The following MAGI2 variants were observed in gnomAD, a reference collection of about 807,000 sequenced individuals.
The protein encoded by MAGI2 is membrane associated guanylate kinase, WW and PDZ domain containing 2.
MAGI2 carries 35 observed loss-of-function variants against 133.3 expected under a neutral mutation model. The observed-to-expected ratio is 0.26, with a 90% CI of 0.20 to 0.35. The LOEUF (loss-of-function observed/expected upper bound fraction) is 0.35. Among genes scored for constraint, MAGI2 ranks in the 10% least tolerant of loss-of-function variants. The pLI is 1.00. For synonymous variants in MAGI2, 729 were observed against 710.6 expected, an observed-to-expected ratio of 1.03 and a Z score of -0.41; for missense variants, 1,636 against 1,863.4, an observed-to-expected ratio of 0.88 and a Z score of 2.25.
intron 1 of MAGI2, among the ~76,000 whole-genome samples, chr7:79,236,119 G>T (rs1191181629): frequency 6.6e-6 from 1 of 152,264 alleles, no homozygotes; most frequent in Admixed American, 6.5e-5. Context: ...AATAAGTCAG[G>T]AAAAAGCATA....
At chr7:79,212,513 T>C (rs1437126566) in intron 1 of MAGI2, among the ~76,000 whole-genome samples, 1 of 152,070 alleles carries the variant, frequency 6.6e-6, no homozygotes, top group East Asian at 1.9e-4. Context: ...TGCAGGGTAG[T>C]ACAAAACTTT....
chr7:78,476,597 A>G (rs1370449937), intron 6 of MAGI2, among the ~76,000 whole-genome samples: 1 of 151,998 alleles, frequency 6.6e-6, no homozygotes, highest in Non-Finnish European at 1.5e-5. Flanking sequence ...TTCTAAATCT[A>G]TTTAGGTTCT....
chr7:78,664,637 C>T (rs967588523), intron 2 of MAGI2, among the ~76,000 whole-genome samples: 1 of 151,870 alleles, frequency 6.6e-6, no homozygotes, highest in Non-Finnish European at 1.5e-5. Context: ...TTTTAAAAAA[C>T]AAACTTACTT....
chr7:78,702,713 G>C (rs1457898356), intron 2 of MAGI2, among the ~76,000 whole-genome samples: 4 of 151,972 alleles, frequency 2.6e-5, no homozygotes, highest in African/African-American at 4.8e-5. Context: ...TAGATTTGGA[G>C]GTAGAAAGGA....
chr7:78,494,689 G>A (rs1027724204), intron 5 of MAGI2, among the ~76,000 whole-genome samples: 19 of 152,006 alleles, frequency 1.2e-4, no homozygotes, highest in Admixed American at 1.2e-3. Context: ...TTTCACTGCT[G>A]TACAACTATT....
chr7:79,199,269 G>T (rs1828375665), intron 1 of MAGI2, among the ~76,000 whole-genome samples: 1 of 152,060 alleles, frequency 6.6e-6, no homozygotes, highest in African/African-American at 2.4e-5. Flanking sequence ...TTGGAGGGCA[G>T]AAGGTGGCTT....
intron 12 of MAGI2, among the ~76,000 whole-genome samples, chr7:78,191,994 G>C (rs775235016): frequency 6.6e-6 from 1 of 152,174 alleles, no homozygotes; most frequent in Non-Finnish European, 1.5e-5. Context: ...AGCCTTGACA[G>C]AACAAACGTT....
intron 1 of MAGI2, among the ~76,000 whole-genome samples, chr7:79,053,130 G>A (rs941771806): frequency 3.3e-5 from 5 of 151,804 alleles, no homozygotes; most frequent in South Asian, 2.1e-4. Flanking sequence ...CCACCACCAC[G>A]CCCGGCTAAT....
intron 2 of MAGI2, among the ~76,000 whole-genome samples, chr7:78,675,979 C>G (rs1263295731): frequency 6.6e-6 from 1 of 152,064 alleles, no homozygotes; most frequent in Non-Finnish European, 1.5e-5. Context: ...TATGGTATAT[C>G]CTAAAACACC....
chr7:78,698,678 T>C (rs1376526180), intron 2 of MAGI2, among the ~76,000 whole-genome samples: 1 of 152,152 alleles, frequency 6.6e-6, no homozygotes, highest in Non-Finnish European at 1.5e-5. Context: ...TGACTCACAG[T>C]TCAGCATGGC....
chr7:78,382,429 A>C (rs1368737961), intron 6 of MAGI2, among the ~76,000 whole-genome samples: 1 of 152,152 alleles, frequency 6.6e-6, no homozygotes, highest in Non-Finnish European at 1.5e-5. Flanking sequence ...ATTGCTAACC[A>C]GTCAAAAAAA....
At chr7:78,214,639 C>A (rs1788089589) in intron 10 of MAGI2, among the ~76,000 whole-genome samples, 1 of 148,624 alleles carries the variant, frequency 6.7e-6, no homozygotes, top group Non-Finnish European at 1.5e-5. Context: ...ATAGGTAGAA[C>A]TGATGTTTAT....
At chr7:78,719,833 GTTGT>G (rs1490217504) in intron 2 of MAGI2, among the ~76,000 whole-genome samples, 24 of 152,154 alleles carry the variant, frequency 1.6e-4, no homozygotes, top group Non-Finnish European at 2.6e-4. Flanking sequence ...CTAGAGGGTA[GTTGT>G]TTGTGATTAT....
chr7:79,399,472 T>G (rs1845315118), intron 1 of MAGI2, among the ~76,000 whole-genome samples: 1 of 152,076 alleles, frequency 6.6e-6, no homozygotes, highest in African/African-American at 2.4e-5. Flanking sequence ...GTTCAGTTGC[T>G]TCACTGCCAG....
At chr7:79,226,653 C>G (rs1209932306) in intron 1 of MAGI2, among the ~76,000 whole-genome samples, 1 of 152,122 alleles carries the variant, frequency 6.6e-6, no homozygotes, top group Non-Finnish European at 1.5e-5. Flanking sequence ...TTCCATTCTT[C>G]TCTTCCACCC....
At chr7:79,370,932 T>C (rs1300169863) in intron 1 of MAGI2, among the ~76,000 whole-genome samples, 3 of 152,100 alleles carry the variant, frequency 2.0e-5, no homozygotes, top group Admixed American at 6.5e-5. Context: ...TTTTTCTCAC[T>C]CTTGAATCCA....
intron 2 of MAGI2, among the ~76,000 whole-genome samples, chr7:78,878,750 CA>C (rs1220938408): frequency 6.6e-6 from 1 of 152,168 alleles, no homozygotes; most frequent in Non-Finnish European, 1.5e-5. Flanking sequence ...TCACTTAAAA[CA>C]AAATCGTGGT....
At chr7:78,514,071 A>G (rs1224681153) in intron 4 of MAGI2, among the ~76,000 whole-genome samples, 1 of 140,354 alleles carries the variant, frequency 7.1e-6, no homozygotes, top group Admixed American at 7.3e-5. Context: ...CTGGGCAACA[A>G]GAGTGAAACT....
intron 2 of MAGI2, among the ~76,000 whole-genome samples, chr7:78,829,357 T>C (rs964183084): frequency 2.6e-5 from 4 of 152,122 alleles, no homozygotes; most frequent in Admixed American, 2.0e-4. Flanking sequence ...TCTTTTTTTC[T>C]TGAAATTTTT....
Sources: gnomAD v4.1 joint callset for allele counts (sites outside exome capture counted in the v4.1 genomes callset) on GRCh38, gnomAD v4.1.1 for gene constraint, MANE v1.5 for transcripts, NCBI Gene and HGNC (gene_info 2026-07-23, HGNC 2026-07-21) for gene names.